MYO1B: variants seen among roughly 807,000 people sequenced by gnomAD.
MYO1B encodes myosin IB.
MYO1B carries 72 observed loss-of-function variants against 159.7 expected under a neutral mutation model. The observed-to-expected ratio is 0.45, with a 90% CI of 0.37 to 0.55. The LOEUF (loss-of-function observed/expected upper bound fraction) is 0.55. Ranked by LOEUF, MYO1B falls within the 20% of genes least tolerant of loss-of-function variation. MYO1B has a pLI of 0.00. For missense variants in MYO1B, 1,062 were observed against 1,364.8 expected (o/e 0.78, Z 3.50); for synonymous variants, 468 against 473.8 (o/e 0.99, Z 0.16).
At position 191,362,372 on chromosome 2, in the gene MYO1B, G is replaced by T; in HGVS notation, c.765+1G>T. On this transcript the variant is annotated splice_donor_variant, in intron 9 of 30. Coordinates refer to ENST00000392318, the MANE Select transcript of MYO1B (RefSeq NM_001130158.3). LOFTEE classifies it high-confidence loss of function. ...TGCAGCAAATTTTAGAACCGTGCGG[G>T]TAAGATGTAGTACTTTCATCAAGCT... 1 of 1,610,660 alleles carries T rather than the reference G, an allele frequency of 6.2e-7. No individual in the cohort carries two copies. Among genetic ancestry groups the T allele is most frequent in the Non-Finnish European group, 8.5e-7 (1 of 1,177,178 alleles).
chr2:191,313,292 C>T (rs570036683), intron 3 of MYO1B, among the ~76,000 whole-genome samples: 7 of 144,524 alleles, frequency 4.8e-5, no homozygotes, highest in African/African-American at 1.8e-4. Context: ...CTCACTGCAA[C>T]GTCTGCCTCC....
At chr2:191,275,024 A>G (rs111588682) in intron 1 of MYO1B, among the ~76,000 whole-genome samples, 2 of 152,172 alleles carry the variant, frequency 1.3e-5, no homozygotes, top group African/African-American at 4.8e-5. Context: ...TCGCTGCCTC[A>G]GCCTCCTGAG....
chr2:191,329,307 T>C (rs1165320694), intron 3 of MYO1B, among the ~76,000 whole-genome samples: 1 of 152,190 alleles, frequency 6.6e-6, no homozygotes, highest in African/African-American at 2.4e-5. Context: ...ATTTTGCCTC[T>C]GATGGATCTT....
intron 27 of MYO1B, 85 bp from the exon 28 acceptor site, chr2:191,413,963 C>T: frequency 7.2e-7 from 1 of 1,396,568 alleles, no homozygotes; most frequent in Admixed American, 2.3e-5. Context: ...TCAGCTACTC[C>T]TTAGAATCAA....
At chr2:191,392,955 CT>C in intron 19 of MYO1B, 117 bp from the exon 20 acceptor site, 5 of 858,690 alleles carry the variant, frequency 5.8e-6, no homozygotes, top group Non-Finnish European at 7.2e-6. Flanking sequence ...TTTTTCAGTT[CT>C]TTTTTTCAAT....
rs942045713 is a variant in MYO1B at position 191,279,494 on chromosome 2, TAAGTC to T, written c.135+2467_135+2471del. Among the ~76,000 whole-genome samples, 14 of 152,292 alleles carry T rather than the reference TAAGTC, an allele frequency of 9.2e-5. No homozygotes were observed. In the South Asian group the frequency reaches 2.3e-3, roughly 25 times the overall value. On this transcript the variant is annotated intron_variant, in intron 2 of 30. Coordinates refer to ENST00000392318, the MANE Select transcript of MYO1B (RefSeq NM_001130158.3). ...TTTTAGACCTCTGTATTGTAGGACT[TAAGTC>T]AATCATATATTGCTTTTGTAATTAA... is the stretch of plus-strand genomic sequence containing the variant.
intron 3 of MYO1B, among the ~76,000 whole-genome samples, chr2:191,325,270 T>A (rs997824784): frequency 9.9e-5 from 15 of 152,182 alleles, no homozygotes; most frequent in African/African-American, 3.6e-4. Context: ...GAGACTGAGC[T>A]ATTTTGAGAG....
intron 1 of MYO1B, among the ~76,000 whole-genome samples, chr2:191,258,822 C>T (rs548532754): frequency 6.6e-6 from 1 of 152,326 alleles, no homozygotes; most frequent in East Asian, 1.9e-4. Flanking sequence ...CCAGCCCAGT[C>T]TTAATACTTA....
intron 2 of MYO1B, among the ~76,000 whole-genome samples, chr2:191,294,970 G>A (rs1403612576): frequency 6.6e-6 from 1 of 152,092 alleles, no homozygotes; most frequent in African/African-American, 2.4e-5. Flanking sequence ...TTGAATCCCA[G>A]TGGTGGTAAT....
At chr2:191,387,595 T>A in intron 17 of MYO1B, 145 bp downstream of exon 17, 1 of 748,144 alleles carries the variant, frequency 1.3e-6, no homozygotes, top group Non-Finnish European at 2.2e-6. Flanking sequence ...TATCTGGGAT[T>A]GGCTTAAAAA....
At chr2:191,336,553 A>G in intron 4 of MYO1B, among the ~76,000 whole-genome samples, 1 of 152,206 alleles carries the variant, frequency 6.6e-6, no homozygotes, top group East Asian at 1.9e-4. Flanking sequence ...TTATTTCAAT[A>G]AAAACATCAC....
intron 13 of MYO1B, among the ~76,000 whole-genome samples, chr2:191,373,961 T>G (rs1694538860): frequency 1.3e-5 from 2 of 152,222 alleles, no homozygotes; most frequent in Non-Finnish European, 2.9e-5. Context: ...TTTAATAACT[T>G]TTTTAAATAA....
chr2:191,306,547 C>T (rs562710630), intron 3 of MYO1B, among the ~76,000 whole-genome samples: 49 of 152,056 alleles, frequency 3.2e-4, no homozygotes, highest in African/African-American at 1.2e-3. Flanking sequence ...AGAAACTCAA[C>T]GAGAGGTTTA....
chr2:191,347,864 C>T (rs1350538521), intron 6 of MYO1B, among the ~76,000 whole-genome samples: 5 of 152,270 alleles, frequency 3.3e-5, no homozygotes, highest in Non-Finnish European at 5.9e-5. Context: ...GCAATGTCTT[C>T]GACTTGCAAA....
At chr2:191,331,175 A>G (rs1691448270) in intron 4 of MYO1B, among the ~76,000 whole-genome samples, 2 of 151,986 alleles carry the variant, frequency 1.3e-5, no homozygotes, top group Non-Finnish European at 2.9e-5. Context: ...ACCGAGCACC[A>G]TTGTTTTGCA....
intron 15 of MYO1B, among the ~76,000 whole-genome samples, chr2:191,384,450 A>G (rs2126082412): frequency 6.6e-6 from 1 of 152,330 alleles, no homozygotes; most frequent in East Asian, 1.9e-4. Flanking sequence ...TCAGTATTCA[A>G]GATATTCCTA....
At chr2:191,378,330 C>G (rs1694837917) in intron 13 of MYO1B, among the ~76,000 whole-genome samples, 1 of 151,954 alleles carries the variant, frequency 6.6e-6, no homozygotes, top group African/African-American at 2.4e-5. Context: ...GTTTATTTCA[C>G]CTGGGTACAG....
intron 13 of MYO1B, among the ~76,000 whole-genome samples, chr2:191,378,340 G>A (rs1694838803): frequency 6.6e-6 from 1 of 151,978 alleles, no homozygotes; most frequent in African/African-American, 2.4e-5. Context: ...CCTGGGTACA[G>A]GCAGGCTGAG....
At chr2:191,326,213 A>G (rs1002414080) in intron 3 of MYO1B, among the ~76,000 whole-genome samples, 4 of 152,162 alleles carry the variant, frequency 2.6e-5, no homozygotes, top group Non-Finnish European at 4.4e-5. Flanking sequence ...AGACTTCTCT[A>G]AAGATTTATT....
Sources: allele counts gnomAD v4.1 joint callset (sites outside exome capture counted in the v4.1 genomes callset), GRCh38; gene constraint gnomAD v4.1.1; transcripts MANE v1.5; gene names NCBI Gene and HGNC (gene_info 2026-07-23, HGNC 2026-07-21).